The following DYNC1LI1 variants were observed in gnomAD, a reference collection of about 807,000 sequenced individuals.
DYNC1LI1 encodes the protein cytoplasmic dynein 1 light intermediate chain 1.
DYNC1LI1 carries 19 observed loss-of-function variants against 63.8 expected under a neutral mutation model. The ratio of observed to expected loss-of-function variants is 0.30; its 90% confidence interval spans 0.21 to 0.44. The LOEUF is 0.44. Ranked by LOEUF, DYNC1LI1 falls within the 20% of genes least tolerant of loss-of-function variation. DYNC1LI1 has a pLI of 1.00. For synonymous variants in DYNC1LI1, 225 were observed against 232.3 expected (o/e 0.97, Z 0.28); for missense variants, 565 against 630.2 (o/e 0.90, Z 1.11).
At position 32,532,981 on chromosome 3, in the gene DYNC1LI1, G is replaced by A; in HGVS notation, c.1080+5C>T. The stretch of plus-strand genomic sequence containing the variant: ...AATATTGAGATTATTTACTAAAATG[G>A]TTACCTTTCGAACAGGTGGTTTAGT... On this transcript the variant is annotated splice_donor_5th_base_variant and intron_variant, in intron 8 of 12. Coordinates refer to ENST00000273130, the MANE Select transcript of DYNC1LI1 (RefSeq NM_016141.4). 1 of 1,563,546 alleles carries A rather than the reference G, an allele frequency of 6.4e-7. No homozygotes were observed. The highest frequency in any genetic ancestry group is 8.6e-7 in the Non-Finnish European group (1 of 1,163,952).
chr3:32,570,526 G>C, intron 1 of DYNC1LI1, 99 bp downstream of exon 1: 1 of 1,483,830 alleles, frequency 6.7e-7, no homozygotes, highest in Non-Finnish European at 9.0e-7. Flanking sequence ...GAACGCAGTG[G>C]CCGGGCCCGG....
intron 2 of DYNC1LI1, among the ~76,000 whole-genome samples, chr3:32,554,616 A>C (rs534707268): frequency 6.6e-6 from 1 of 152,152 alleles, no homozygotes; most frequent in Non-Finnish European, 1.5e-5. Flanking sequence ...ATCCAAGTCA[A>C]CCTCTGCAAG....
chr3:32,553,649 A>C (rs1270563302), intron 2 of DYNC1LI1, among the ~76,000 whole-genome samples: 1 of 152,158 alleles, frequency 6.6e-6, no homozygotes, highest in Non-Finnish European at 1.5e-5. Context: ...CTCTCTACAG[A>C]AGCAGCAAGC....
chr3:32,545,142 G>T, intron 3 of DYNC1LI1, 36 bp from the exon 4 acceptor site: 1 of 1,402,988 alleles, frequency 7.1e-7, no homozygotes, highest in African/African-American at 1.4e-5. Context: ...AAGGCAACAA[G>T]ATTAAGTCAT....
chr3:32,530,386 AT>A lies in DYNC1LI1; in HGVS notation c.1141-59del, dbSNP rs1240415521. The A allele has an allele frequency of 3.1e-6, 5 of 1,598,416 alleles. No homozygotes were observed. In the Admixed American group the frequency reaches 6.8e-5, roughly 22 times the overall value. ...AGACATTCATAGCATATACTGGTGT[AT>A]TTTTAAAGAAAATACACACAAGAAC... is the stretch of plus-strand genomic sequence containing the variant. On this transcript the variant is annotated intron_variant, in intron 9 of 12. Coordinates refer to ENST00000273130, the MANE Select transcript of DYNC1LI1 (RefSeq NM_016141.4).
Position 32,526,501 on chromosome 3 carries a change from T to C in DYNC1LI1, c.*298A>G, listed in dbSNP as rs1318545091. 9.8e-6 allele frequency: 2 copies of C among 205,034 alleles called. No individual in the cohort carries two copies. The highest frequency in any genetic ancestry group is 5.5e-5 in the Admixed American group (1 of 18,184). 12.7% of individuals were successfully genotyped at this position (205,034 alleles called of 1,614,324 possible). On this transcript the variant is annotated 3_prime_UTR_variant, in exon 13 of 13. Coordinates refer to ENST00000273130, the MANE Select transcript of DYNC1LI1 (RefSeq NM_016141.4). ...CATGTTTTAAATAGCCTTTAGAATA[T>C]GATCGATCACATGGCTGTATTTCAG... is the stretch of plus-strand genomic sequence containing the variant.
chr3:32,561,171 C>T (rs1698188770), intron 2 of DYNC1LI1, among the ~76,000 whole-genome samples: 1 of 151,798 alleles, frequency 6.6e-6, no homozygotes, highest in Admixed American at 6.6e-5. Flanking sequence ...AGGTCAAAGT[C>T]ACACTAAAGC....
intron 2 of DYNC1LI1, among the ~76,000 whole-genome samples, chr3:32,565,846 T>C (rs1288165593): frequency 6.6e-6 from 1 of 152,162 alleles, no homozygotes; most frequent in Non-Finnish European, 1.5e-5. Context: ...TGACCTCAGG[T>C]GATCCACCCC....
At chr3:32,560,696 A>G (rs748004461) in intron 2 of DYNC1LI1, among the ~76,000 whole-genome samples, 2 of 152,016 alleles carry the variant, frequency 1.3e-5, no homozygotes, top group Non-Finnish European at 2.9e-5. Flanking sequence ...GGCTGTCTAG[A>G]TATGAATTAA....
chr3:32,550,911 G>C lies in DYNC1LI1; in HGVS notation c.221-4946C>G, dbSNP rs1480323154. Among the ~76,000 whole-genome samples, 7 of 151,910 alleles carry C rather than the reference G, an allele frequency of 4.6e-5. No homozygotes were observed. The South Asian group carries it at 1.5e-3, about 32-fold the overall frequency. On this transcript the variant is annotated intron_variant, in intron 2 of 12. Coordinates refer to ENST00000273130, the MANE Select transcript of DYNC1LI1 (RefSeq NM_016141.4). ...GGGAGCCGAGGCAGGTGGATCACTTGAGCCCAGGAGTTCAAGAGCCTGGGT... is the reference window on the plus strand; with the variant it reads ...GGGAGCCGAGGCAGGTGGATCACTTCAGCCCAGGAGTTCAAGAGCCTGGGT...
chr3:32,540,366 A>T (rs1428320964), intron 5 of DYNC1LI1, among the ~76,000 whole-genome samples: 1 of 152,008 alleles, frequency 6.6e-6, no homozygotes, highest in African/African-American at 2.4e-5. Context: ...TAATCCTCTG[A>T]TATTAGAGAA....
intron 2 of DYNC1LI1, among the ~76,000 whole-genome samples, chr3:32,558,103 A>G (rs1392250135): frequency 6.6e-6 from 1 of 152,102 alleles, no homozygotes; most frequent in Non-Finnish European, 1.5e-5. Flanking sequence ...GCATGGTGGC[A>G]CACACCTGTA....
At chr3:32,555,471 C>T (rs1397665614) in intron 2 of DYNC1LI1, among the ~76,000 whole-genome samples, 1 of 152,218 alleles carries the variant, frequency 6.6e-6, no homozygotes, top group Non-Finnish European at 1.5e-5. Context: ...TGCAAAGATG[C>T]AGTCTTGTTC....
At chr3:32,547,233 GCT>G (rs1318641572) in intron 2 of DYNC1LI1, among the ~76,000 whole-genome samples, 2 of 151,846 alleles carry the variant, frequency 1.3e-5, no homozygotes, top group East Asian at 3.9e-4. Flanking sequence ...ACAGAGTGAG[GCT>G]CTGTCTCAAA....
chr3:32,539,011 AG>A (rs1421122664), intron 5 of DYNC1LI1, among the ~76,000 whole-genome samples: 1 of 152,174 alleles, frequency 6.6e-6, no homozygotes, highest in Non-Finnish European at 1.5e-5. Context: ...GGACCCTTTA[AG>A]CTTAACATTT....
In DYNC1LI1 at chr3:32,560,640, TA is replaced by T. The variant is rs150804744; in HGVS notation, c.220+9705del. 1.1e-3 allele frequency among the ~76,000 whole-genome samples: 159 copies of T among 150,228 alleles called. 1 individual carries two copies. The highest frequency in any genetic ancestry group is 3.6e-3 in the African/African-American group (147 of 40,978). ...GATCATTCAGCAATTCACATTACAT[TA>T]AAAAAAAACAGAACTTATCCTTAAT... On this transcript the variant is annotated intron_variant, in intron 2 of 12. Coordinates refer to ENST00000273130, the MANE Select transcript of DYNC1LI1 (RefSeq NM_016141.4).
intron 10 of DYNC1LI1, 96 bp from the exon 11 acceptor site, chr3:32,529,756 C>A: frequency 9.8e-7 from 1 of 1,021,352 alleles, no homozygotes; most frequent in Non-Finnish European, 1.4e-6. Context: ...CAACTATCCC[C>A]TGTTCTACTG....
Position 32,545,832 on chromosome 3 carries a change from T to C in DYNC1LI1, c.337+17A>G, listed in dbSNP as rs376791793. The C allele has an allele frequency of 1.6e-5, 24 of 1,541,344 alleles. No homozygotes were observed. The highest frequency in any genetic ancestry group is 1.7e-5 in the Non-Finnish European group (19 of 1,115,432). The stretch of plus-strand genomic sequence containing the variant: ...TCAAAATAGACTTCAGAAATTTATG[T>C]TACAAATGACACTCACCATCCCTGT... On this transcript the variant is annotated intron_variant, in intron 3 of 12. Coordinates refer to ENST00000273130, the MANE Select transcript of DYNC1LI1 (RefSeq NM_016141.4).
chr3:32,544,996 C>G lies in DYNC1LI1; in HGVS notation c.448G>C (p.Val150Leu). The G allele has an allele frequency of 6.2e-7, 1 of 1,614,070 alleles. No individual in the cohort carries two copies. Among genetic ancestry groups the G allele is most frequent in the Non-Finnish European group, 8.5e-7 (1 of 1,179,946 alleles). The change falls in exon 4 of 13, where the codon GTT becomes CTT. Residue 150 changes from valine to leucine, a missense_variant. Coordinates refer to ENST00000273130, the MANE Select transcript of DYNC1LI1 (RefSeq NM_016141.4). ...SLKDTLVMLVVDMSKPWTALD... is the reference protein window; with the variant it reads ...SLKDTLVMLVLDMSKPWTALD... ...GCAGTCCAAGGCTTTGACATGTCAA[C>G]AACCAGCATAACTAGAGTATCCTTC...
Sources: gnomAD v4.1 joint callset for allele counts (sites outside exome capture counted in the v4.1 genomes callset) on GRCh38, gnomAD v4.1.1 for gene constraint, MANE v1.5 for transcripts, NCBI Gene and HGNC (gene_info 2026-07-23, HGNC 2026-07-21) for gene names.